The following SLC11A2 variants were observed in gnomAD, a reference collection of about 807,000 sequenced individuals.
The protein encoded by SLC11A2 is solute carrier family 11 member 2, also known as natural resistance-associated macrophage protein 2.
SLC11A2 carries 38 observed loss-of-function variants against 68.0 expected under a neutral mutation model. That is an observed-to-expected ratio of 0.56 (90% CI 0.43 to 0.73). The LOEUF is 0.73. Among genes scored for constraint, SLC11A2 ranks in the 30% least tolerant of loss-of-function variants. The pLI is 0.00. For missense variants in SLC11A2, 517 were observed against 690.5 expected (o/e 0.75, Z 2.82); for synonymous variants, 242 against 250.6 (o/e 0.97, Z 0.32).
chr12:50,989,763 T>G (rs1940959547), intron 15 of SLC11A2, among the ~76,000 whole-genome samples: 1 of 152,228 alleles, frequency 6.6e-6, no homozygotes, highest in Non-Finnish European at 1.5e-5. Context: ...TTTCAACATT[T>G]ACTGAAGTGA....
intron 3 of SLC11A2, 23 bp from the exon 4 acceptor site, chr12:51,005,459 T>A: frequency 6.3e-7 from 1 of 1,598,640 alleles, no homozygotes; most frequent in Non-Finnish European, 8.5e-7. Flanking sequence ...GGAAAAGAGA[T>A]TAAACTGAAC....
chr12:50,966,719 A>C, the SLC11A2 span, among the ~76,000 whole-genome samples: 1 of 152,234 alleles, frequency 6.6e-6, no homozygotes, highest in Non-Finnish European at 1.5e-5. Context: ...AAGGAGTCTC[A>C]CTAAAATTTA....
chr12:50,968,088 ATAAT>A, the SLC11A2 span, among the ~76,000 whole-genome samples: 12 of 142,990 alleles, frequency 8.4e-5, no homozygotes, highest in Non-Finnish European at 1.5e-4. Context: ...ATTGTCTCAA[ATAAT>A]AAGAAGAAGA....
At chr12:50,971,100 G>A in the SLC11A2 span, among the ~76,000 whole-genome samples, 3 of 152,054 alleles carry the variant, frequency 2.0e-5, no homozygotes, top group Non-Finnish European at 4.4e-5. Flanking sequence ...GGCTGGTCTC[G>A]AACTCCTGAC....
chr12:51,002,963 C>T (rs1273972327), intron 5 of SLC11A2, among the ~76,000 whole-genome samples: 5 of 150,948 alleles, frequency 3.3e-5, no homozygotes, highest in South Asian at 2.1e-4. Context: ...CAAGGCCAGG[C>T]GCAGTGGCTC....
the SLC11A2 span, among the ~76,000 whole-genome samples, chr12:50,973,642 T>C: frequency 1.3e-5 from 2 of 152,230 alleles, no homozygotes; most frequent in African/African-American, 4.8e-5. Context: ...GGATGGAGAA[T>C]GACTTTGACA....
intron 2 of SLC11A2, among the ~76,000 whole-genome samples, chr12:51,010,412 G>C (rs1316394820): frequency 6.6e-6 from 1 of 151,188 alleles, no homozygotes; most frequent in Non-Finnish European, 1.5e-5. Flanking sequence ...CAGCTACTCG[G>C]GAGGCTGAAG....
At chr12:51,015,421 G>A (rs1471230255) in intron 1 of SLC11A2, among the ~76,000 whole-genome samples, 7 of 151,408 alleles carry the variant, frequency 4.6e-5, no homozygotes, top group Non-Finnish European at 1.0e-4. Context: ...GTTGCAGTGA[G>A]CTGAGATTGC....
chr12:51,023,351 G>C (rs569757465), intron 1 of SLC11A2, among the ~76,000 whole-genome samples: 2 of 152,378 alleles, frequency 1.3e-5, no homozygotes, highest in Admixed American at 1.3e-4. Flanking sequence ...GGAGGCTCTA[G>C]TGGGAGGATC....
the SLC11A2 span, among the ~76,000 whole-genome samples, chr12:50,958,908 T>C: frequency 6.6e-6 from 1 of 151,164 alleles, no homozygotes; most frequent in Non-Finnish European, 1.5e-5. Context: ...TCCCAGCTAC[T>C]AGGGAGGCTG....
intron 2 of SLC11A2, among the ~76,000 whole-genome samples, 155 bp from the exon 3 acceptor site, chr12:51,008,779 T>C (rs1008753928): frequency 6.6e-6 from 1 of 152,222 alleles, no homozygotes; most frequent in Non-Finnish European, 1.5e-5. Flanking sequence ...TTATTTTTAA[T>C]GTACATTTTA....
chr12:51,005,223 G>A, intron 4 of SLC11A2, 88 bp downstream of exon 4: 6 of 1,411,832 alleles, frequency 4.2e-6, no homozygotes, highest in African/African-American at 2.8e-5. Context: ...TGTAGCCCCT[G>A]AGGCTACTAT....
intron 3 of SLC11A2, 73 bp downstream of exon 3, chr12:51,008,403 G>A (rs1271066016): frequency 7.6e-7 from 1 of 1,316,090 alleles, no homozygotes; most frequent in East Asian, 2.3e-5. Flanking sequence ...CTGAACTTGA[G>A]CCATCCAGCA....
chr12:51,000,212 G>C, intron 6 of SLC11A2, 101 bp downstream of exon 6: 2 of 827,686 alleles, frequency 2.4e-6, no homozygotes, highest in South Asian at 2.8e-5. Flanking sequence ...AATAACAATT[G>C]AGTTGAGTCT....
Position 50,988,380 on chromosome 12 carries a change from A to C in SLC11A2, c.1631T>G (p.Val544Gly), listed in dbSNP as rs888369040. ...GMSFLDCGHT[V>G]SISKGLLTEE... is the part of the protein sequence containing the mutation. ...TGTCAGCAGGCCTTTAGAGATGCTT[A>C]CCGTATGCCCACAGTCCAGGAAGGA... is the stretch of plus-strand genomic sequence containing the variant. Residue 544 changes from valine to glycine, a missense_variant, in exon 16 of 16, where the codon GTA becomes GGA. Transcript: ENST00000262052. The C allele has an allele frequency of 1.9e-6, 3 of 1,614,084 alleles. No homozygotes were observed. In the South Asian group the frequency reaches 3.3e-5, roughly 18 times the overall value.
At chr12:50,960,704 A>G in the SLC11A2 span, among the ~76,000 whole-genome samples, 1 of 151,466 alleles carries the variant, frequency 6.6e-6, no homozygotes, top group Non-Finnish European at 1.5e-5. Context: ...TTTTCTAGAG[A>G]CAGGGTCTCA....
At position 50,987,123 on chromosome 12, in the gene SLC11A2, C is replaced by T; in HGVS notation, c.*1202G>A. On this transcript the variant is annotated 3_prime_UTR_variant, in exon 16 of 16. Coordinates refer to ENST00000262052, the MANE Select transcript of SLC11A2 (RefSeq NM_000617.3). ...AAGCAGCAGCTTTGTGCTGAAGACA[C>T]CCATTTCCTCTGACTCCAGAGCTCC... 1 of 1,283,514 alleles carries T rather than the reference C, an allele frequency of 7.8e-7. No individual in the cohort carries two copies. Among genetic ancestry groups the T allele is most frequent in the Non-Finnish European group, 1.0e-6 (1 of 987,104 alleles). The allele number at this position is 1,283,514 out of a possible 1,614,324, so 79.5% of individuals were successfully genotyped here.
chr12:51,017,840 C>A (rs1325352604), intron 1 of SLC11A2, among the ~76,000 whole-genome samples: 5 of 152,132 alleles, frequency 3.3e-5, no homozygotes, highest in African/African-American at 1.2e-4. Flanking sequence ...TCCTGACTCC[C>A]TAATTTGGCT....
rs771120607 is a variant in SLC11A2, at chr12:50,996,876, C to A, written c.772G>T (p.Gly258Cys). 1.2e-6 allele frequency: 2 copies of A among 1,613,896 alleles called. No individual in the cohort carries two copies. Among genetic ancestry groups the A allele is most frequent in the African/African-American group, 2.7e-5 (2 of 74,878 alleles). Residue 258 changes from glycine (G) to cysteine (C), a missense_variant, in exon 9 of 16, where the codon GGC (glycine) becomes TGC (cysteine). Transcript: ENST00000262052. The stretch of plus-strand genomic sequence containing the variant: ...GGCATGATGACAGCTCCCACGATGC[C>A]CACAGCCTGTTCAATCTGTGGAGTG... The part of the protein sequence containing the change: ...CRTPQIEQAV[G>C]IVGAVIMPHN...
Sources: gnomAD v4.1 joint callset for allele counts (sites outside exome capture counted in the v4.1 genomes callset) on GRCh38, gnomAD v4.1.1 for gene constraint, MANE v1.5 for transcripts, NCBI Gene and HGNC (gene_info 2026-07-23, HGNC 2026-07-21) for gene names.